SCOC: variants seen among roughly 807,000 people sequenced by gnomAD.
SCOC encodes the protein short coiled coil protein.
In SCOC, 7 loss-of-function variants were observed where a neutral mutation model predicts 9.9. The observed-to-expected ratio is 0.71, with a 90% confidence interval of 0.40 to 1.33. The LOEUF (loss-of-function observed/expected upper bound fraction) is 1.33. Ranked by LOEUF, SCOC falls within the 40% of genes most tolerant of loss-of-function variation. SCOC has a pLI of 0.01. For missense variants in SCOC, 66 were observed against 89.7 expected, an observed-to-expected ratio of 0.74 and a Z score of 1.07; for synonymous variants, 19 against 28.2, an observed-to-expected ratio of 0.67 and a Z score of 1.03.
intron 1 of SCOC, among the ~76,000 whole-genome samples, chr4:140,288,126 C>T (rs1055645015): frequency 6.6e-6 from 1 of 152,004 alleles, no homozygotes; most frequent in Admixed American, 6.5e-5. Flanking sequence ...TACTCATGCA[C>T]CACACACAGC....
chr4:140,371,752 A>G (rs1283773843), upstream of SCOC, among the ~76,000 whole-genome samples: 2 of 152,158 alleles, frequency 1.3e-5, no homozygotes, highest in Non-Finnish European at 2.9e-5. Flanking sequence ...ATTAACACAC[A>G]CTTCTGGGTG....
intron 1 of SCOC, among the ~76,000 whole-genome samples, chr4:140,265,385 G>A (rs138950670): frequency 2.6e-5 from 4 of 152,272 alleles, no homozygotes; most frequent in Non-Finnish European, 4.4e-5. Flanking sequence ...TATATTGCAT[G>A]TATCTTCTGT....
At chr4:140,369,310 C>A, upstream of SCOC, 1 of 427,746 alleles carries the variant, frequency 2.3e-6, no homozygotes, top group East Asian at 7.2e-5. Flanking sequence ...CTTTACTCAC[C>A]AAATTCAGAA....
At chr4:140,331,245 A>C (rs138447870) in intron 1 of SCOC, among the ~76,000 whole-genome samples, 2,034 of 152,344 alleles carry the variant, frequency 0.013, 54 homozygotes, top group Admixed American at 0.074. Flanking sequence ...ATGTTGACCC[A>C]GGTTCTTCCT....
At chr4:140,259,756 C>A (rs1286576497) in intron 1 of SCOC, among the ~76,000 whole-genome samples, 2 of 152,154 alleles carry the variant, frequency 1.3e-5, no homozygotes, top group Non-Finnish European at 2.9e-5. Context: ...AACTTACTTA[C>A]CTGTAATCCT....
rs575440779 is a variant in SCOC at position 140,366,547 on chromosome 4, G to A, written c.71-12574G>A. The A allele has an allele frequency of 7.0e-6, 11 of 1,582,546 alleles. No individual in the cohort carries two copies. The East Asian group carries it at 1.1e-4, about 16-fold the overall frequency. ...CATAACTTTAAAATGATCAAAATCT[G>A]TCATCTTGGCTTTCCTTTCTCTGGC... is the stretch of plus-strand genomic sequence containing the variant. On this transcript the variant is annotated intron_variant, in intron 2 of 4. Coordinates refer to the SCOC transcript ENST00000338517.
chr4:140,277,729 C>A (rs1317676797), intron 1 of SCOC, among the ~76,000 whole-genome samples: 1 of 152,042 alleles, frequency 6.6e-6, no homozygotes. Flanking sequence ...GGGGCATGCC[C>A]AGAGAATGTG....
upstream of SCOC, among the ~76,000 whole-genome samples, chr4:140,339,796 G>A (rs1199049493): frequency 3.8e-4 from 58 of 152,092 alleles, no homozygotes; most frequent in Middle Eastern, 3.4e-3. Flanking sequence ...AAAAGTCAGG[G>A]AACGACAGGT....
intron 1 of SCOC, chr4:140,374,238 G>A (rs902320563): frequency 6.7e-6 from 3 of 450,554 alleles, no homozygotes; most frequent in Admixed American, 2.4e-5. Context: ...TTTCCTGATC[G>A]TCTTCTCCCC....
intron 2 of SCOC, among the ~76,000 whole-genome samples, chr4:140,350,334 A>C (rs2126526779): frequency 6.6e-6 from 1 of 152,352 alleles, no homozygotes; most frequent in African/African-American, 2.4e-5. Context: ...CTGTATTCCC[A>C]GCATCCAGCA....
chr4:140,285,759 G>A (rs1459715391), intron 1 of SCOC, among the ~76,000 whole-genome samples: 1 of 152,164 alleles, frequency 6.6e-6, no homozygotes, highest in Non-Finnish European at 1.5e-5. Flanking sequence ...GTGGCCCTGT[G>A]TTTAAGTGAC....
chr4:140,356,483 G>A (rs1727233803), intron 2 of SCOC, among the ~76,000 whole-genome samples: 1 of 152,106 alleles, frequency 6.6e-6, no homozygotes, highest in Non-Finnish European at 1.5e-5. Flanking sequence ...ATCATATGTT[G>A]CATGTAGCTG....
intron 1 of SCOC, among the ~76,000 whole-genome samples, chr4:140,271,378 G>C (rs575184366): frequency 5.1e-4 from 78 of 152,330 alleles, no homozygotes; most frequent in African/African-American, 1.8e-3. Flanking sequence ...GGCTGCCTTG[G>C]TTATTTGAAA....
At chr4:140,372,930 T>C (rs1728115543), upstream of SCOC, among the ~76,000 whole-genome samples, 1 of 152,242 alleles carries the variant, frequency 6.6e-6, no homozygotes, top group African/African-American at 2.4e-5. Context: ...GTGTTCACGC[T>C]CAGGCTTCAG....
chr4:140,271,092 A>G (rs1730834217), intron 1 of SCOC, among the ~76,000 whole-genome samples: 1 of 152,212 alleles, frequency 6.6e-6, no homozygotes, highest in Non-Finnish European at 1.5e-5. Flanking sequence ...AGTAATTTCT[A>G]TAGAAAATAA....
chr4:140,265,254 A>G (rs1237955518), intron 1 of SCOC, among the ~76,000 whole-genome samples: 1 of 152,190 alleles, frequency 6.6e-6, no homozygotes, highest in Non-Finnish European at 1.5e-5. Flanking sequence ...TAGTTCCCAA[A>G]AGTCGGTCCC....
chr4:140,295,944 A>G (rs559983085), intron 1 of SCOC, among the ~76,000 whole-genome samples: 6 of 143,466 alleles, frequency 4.2e-5, no homozygotes, highest in Middle Eastern at 3.6e-3. Flanking sequence ...AAAAAAAAAA[A>G]AAAGAAAGAA....
intron 1 of SCOC, among the ~76,000 whole-genome samples, chr4:140,328,364 A>T (rs1031687486): frequency 1.3e-5 from 2 of 152,188 alleles, no homozygotes; most frequent in African/African-American, 4.8e-5. Flanking sequence ...AAAAAGAGCA[A>T]ATTGATGAAC....
chr4:140,375,660 C>G (rs1728313741), intron 1 of SCOC, among the ~76,000 whole-genome samples: 1 of 152,226 alleles, frequency 6.6e-6, no homozygotes, highest in African/African-American at 2.4e-5. Flanking sequence ...TTAAATGAAT[C>G]TTGTCCCAAT....
Sources: gnomAD v4.1 joint callset for allele counts (sites outside exome capture counted in the v4.1 genomes callset) on GRCh38, gnomAD v4.1.1 for gene constraint, MANE v1.5 for transcripts, NCBI Gene and HGNC (gene_info 2026-07-23, HGNC 2026-07-21) for gene names.